The following TAX1BP1 variants were observed in gnomAD, a reference collection of about 807,000 sequenced individuals.
TAX1BP1 encodes the protein tax1-binding protein 1.
In TAX1BP1, 62 loss-of-function variants were observed where a neutral mutation model predicts 97.7. That is an observed-to-expected ratio of 0.63 (90% confidence interval 0.52 to 0.78). The LOEUF (loss-of-function observed/expected upper bound fraction) is 0.78. TAX1BP1 is among the 30% of genes least tolerant of loss of function. The pLI is 0.00. For synonymous variants in TAX1BP1, 340 were observed against 304.2 expected (o/e 1.12, Z -1.23); for missense variants, 867 against 916.1 (o/e 0.95, Z 0.69).
In TAX1BP1 at chr7:27,790,058, G is replaced by T. The variant is rs190696991; in HGVS notation, c.1039-1948G>T. ...TAAAAAAATTTAAACAGTACATGAG[G>T]ATACAAAGTAAAATGTAATCCTCAT... On this transcript the variant is annotated intron_variant, in intron 8 of 16. Coordinates refer to ENST00000396319, the MANE Select transcript of TAX1BP1 (RefSeq NM_006024.7). Among the ~76,000 whole-genome samples the T allele has an allele frequency of 2.5e-3, 376 of 151,784 alleles. 2 individuals are homozygous for T. Among genetic ancestry groups the T allele is most frequent in the African/African-American group, 8.7e-3 (359 of 41,476 alleles).
chr7:27,796,253 A>C (rs1284638613), intron 12 of TAX1BP1, 34 bp downstream of exon 12: 29 of 1,460,114 alleles, frequency 2.0e-5, no homozygotes, highest in Non-Finnish European at 2.7e-5. Context: ...AAAGAGATTT[A>C]TAAAATGTTA....
chr7:27,819,957 T>C (rs950494135), intron 15 of TAX1BP1, among the ~76,000 whole-genome samples: 1 of 152,174 alleles, frequency 6.6e-6, no homozygotes, highest in Admixed American at 6.5e-5. Context: ...AAAAAGTGGT[T>C]TGTAGACCAG....
In TAX1BP1 at chr7:27,785,310, A is replaced by C. The variant is rs376669585; in HGVS notation, c.760A>C (p.Ser254Arg). 1 of 1,597,806 alleles carries C rather than the reference A, an allele frequency of 6.3e-7. No individual in the cohort carries two copies. Among genetic ancestry groups the C allele is most frequent in the African/African-American group, 1.4e-5 (1 of 73,728 alleles). ...KAIEKETELD[S>R]LKDKLKKAQH... is the part of the protein sequence containing the mutation. ...AATTGAAAAAGAAACCGAATTAGAC[A>C]GGTATTTCTCATGCTTTTAAAAAAT... Residue 254 changes from serine to arginine, a missense_variant and splice_region_variant, in exon 6 of 17, where the codon AGT becomes CGT. Ser to Arg is a moderately radical substitution (Grantham distance 110). This residue lies in a region of TAX1BP1 where 822 missense variants were observed against 851.4 expected (regional missense o/e 0.97). Coordinates refer to ENST00000396319, the MANE Select transcript of TAX1BP1 (RefSeq NM_006024.7).
intron 13 of TAX1BP1, among the ~76,000 whole-genome samples, chr7:27,812,132 A>G (rs974768532): frequency 6.6e-6 from 1 of 152,152 alleles, no homozygotes; most frequent in Non-Finnish European, 1.5e-5. Flanking sequence ...GAGCATTCCA[A>G]CTGCTCCATA....
intron 1 of TAX1BP1, among the ~76,000 whole-genome samples, chr7:27,742,165 T>C (rs1255662222): frequency 2.0e-5 from 3 of 152,180 alleles, no homozygotes; most frequent in Non-Finnish European, 2.9e-5. Flanking sequence ...GAGGCATGCC[T>C]TCCTCTTATA....
intron 15 of TAX1BP1, among the ~76,000 whole-genome samples, chr7:27,825,151 A>G (rs765767551): frequency 2.4e-5 from 1 of 41,064 alleles, no homozygotes; most frequent in Non-Finnish European, 5.7e-5. Context: ...GATGTATAGT[A>G]AGGCTGTGTG....
intron 2 of TAX1BP1, among the ~76,000 whole-genome samples, chr7:27,755,619 C>T (rs546185974): frequency 3.4e-4 from 52 of 152,276 alleles, no homozygotes; most frequent in African/African-American, 1.3e-3. Context: ...CACTTTGTGG[C>T]TTTCTCCCTT....
chr7:27,775,614 G>A (rs974554401), intron 5 of TAX1BP1, among the ~76,000 whole-genome samples: 1 of 152,172 alleles, frequency 6.6e-6, no homozygotes, highest in Non-Finnish European at 1.5e-5. Context: ...TGAAGCAGCA[G>A]CCATTTTTGT....
chr7:27,792,238 A>C lies in TAX1BP1; in HGVS notation c.1263+8A>C. The C allele has an allele frequency of 6.3e-7, 1 of 1,588,978 alleles. No homozygotes were observed. Among genetic ancestry groups the C allele is most frequent in the Non-Finnish European group, 8.6e-7 (1 of 1,166,274 alleles). ...GCTATGAAAAAAGATCAGGTAAAAC[A>C]AGTTAATTTTGAATTTGCATTTTGA... On this transcript the variant is annotated splice_region_variant and intron_variant, in intron 9 of 16. Coordinates refer to ENST00000396319, the MANE Select transcript of TAX1BP1 (RefSeq NM_006024.7).
intron 13 of TAX1BP1, among the ~76,000 whole-genome samples, chr7:27,810,257 C>CT (rs1260695493): frequency 6.7e-6 from 1 of 148,902 alleles, no homozygotes; most frequent in East Asian, 2.0e-4. Context: ...TTTAACCTTT[C>CT]TTTTTTTTCT....
intron 9 of TAX1BP1, 144 bp from the exon 10 acceptor site, chr7:27,792,922 A>T: frequency 1.5e-6 from 1 of 662,668 alleles, no homozygotes; most frequent in Non-Finnish European, 2.5e-6. Context: ...TAATTGGGCC[A>T]CTGTGTTTCA....
At chr7:27,821,161 C>T (rs1790958482) in intron 15 of TAX1BP1, among the ~76,000 whole-genome samples, 1 of 152,168 alleles carries the variant, frequency 6.6e-6, no homozygotes, top group African/African-American at 2.4e-5. Context: ...TTATTTCCAA[C>T]AGATAATATA....
At chr7:27,817,615 ATGATAAT>A (rs1790827244) in intron 15 of TAX1BP1, among the ~76,000 whole-genome samples, 2 of 152,324 alleles carry the variant, frequency 1.3e-5, no homozygotes, top group Middle Eastern at 3.4e-3. Context: ...CACAATACTG[ATGATAAT>A]TGAATTAGTT....
At chr7:27,789,595 G>A (rs1583709212) in intron 8 of TAX1BP1, among the ~76,000 whole-genome samples, 3 of 151,618 alleles carry the variant, frequency 2.0e-5, no homozygotes, top group South Asian at 4.2e-4. Flanking sequence ...TTTTCTCACT[G>A]AACAAAATAA....
chr7:27,741,262 A>G (rs1277941537), intron 1 of TAX1BP1, among the ~76,000 whole-genome samples: 2 of 152,120 alleles, frequency 1.3e-5, no homozygotes, highest in Non-Finnish European at 2.9e-5. Flanking sequence ...CTCAATTCCT[A>G]AAGGATTTAA....
chr7:27,751,375 T>C (rs534640998), intron 2 of TAX1BP1, among the ~76,000 whole-genome samples: 1 of 152,310 alleles, frequency 6.6e-6, no homozygotes, highest in East Asian at 1.9e-4. Context: ...GGTATATAGC[T>C]ACATGTAATA....
chr7:27,783,655 T>C lies in TAX1BP1; in HGVS notation c.613-1508T>C, dbSNP rs1041546037. 9.9e-5 allele frequency among the ~76,000 whole-genome samples: 15 copies of C among 152,254 alleles called. 1 individual carries two copies. The highest frequency in any genetic ancestry group is 2.2e-4 in the Non-Finnish European group (15 of 68,048). On this transcript the variant is annotated intron_variant, in intron 5 of 16. Transcript: ENST00000396319. ...TTTGTAGAATGCTGTATACCCGTTA[T>C]AGGGCTTCATTACTTACAGGATTGG...
chr7:27,821,302 C>T (rs1790963733), intron 15 of TAX1BP1, among the ~76,000 whole-genome samples: 1 of 151,866 alleles, frequency 6.6e-6, no homozygotes, highest in Admixed American at 6.6e-5. Context: ...CCATTTTTGC[C>T]TATTAAACTA....
intron 15 of TAX1BP1, among the ~76,000 whole-genome samples, 187 bp from the exon 16 acceptor site, chr7:27,827,551 T>TA (rs915719593): frequency 1.3e-5 from 2 of 152,152 alleles, no homozygotes; most frequent in African/African-American, 4.8e-5. Context: ...ACCACAGTGT[T>TA]AGTTTATAGT....
Sources: gnomAD v4.1 joint callset for allele counts (sites outside exome capture counted in the v4.1 genomes callset) on GRCh38, gnomAD v4.1.1 for gene constraint, gnomAD v4.1.1 regional missense constraint, MANE v1.5 for transcripts, NCBI Gene and HGNC (gene_info 2026-07-23, HGNC 2026-07-21) for gene names.